DMXL1: variants seen among roughly 807,000 people sequenced by gnomAD.
The protein encoded by DMXL1 is dmX-like protein 1.
In DMXL1, 99 loss-of-function variants were observed where a neutral mutation model predicts 319.2. The ratio of observed to expected loss-of-function variants is 0.31; its 90% CI spans 0.26 to 0.37. DMXL1 has a LOEUF of 0.37. Ranked by LOEUF, DMXL1 falls within the 10% of genes least tolerant of loss-of-function variation. The pLI is 1.00. For missense variants in DMXL1, 3,745 were observed against 3,595.6 expected (o/e 1.04, Z -1.06); for synonymous variants, 1,385 against 1,235.2 (o/e 1.12, Z -2.54).
In DMXL1 at chr5:119,189,772, C is replaced by T; in HGVS notation, c.7200C>T (p.Cys2400=). Residue 2400 remains cysteine (C), a synonymous_variant, in exon 29 of 44, where the codon TGC becomes TGT. Coordinates refer to ENST00000539542, the MANE Select transcript of DMXL1 (RefSeq NM_001290321.3). ...NKRFRPSKMS[C]RESAPLTPSS... is the part of the protein sequence containing the mutation. ...GTTTTAGGCCGTCAAAAATGTCTTG[C>T]AGAGAATCTGCCCCACTGACCCCTT... 1.2e-6 allele frequency: 2 copies of T among 1,614,134 alleles called. No homozygotes were observed. The highest frequency in any genetic ancestry group is 1.7e-6 in the Non-Finnish European group (2 of 1,180,002).
At chr5:119,129,709 G>A (rs1764388197) in intron 10 of DMXL1, among the ~76,000 whole-genome samples, 1 of 152,142 alleles carries the variant, frequency 6.6e-6, no homozygotes, top group Non-Finnish European at 1.5e-5. Flanking sequence ...TGTTACCCAG[G>A]AGCTTGTTAG....
Position 119,189,819 on chromosome 5 carries a change from A to T in DMXL1, c.7247A>T (p.Glu2416Val). ...CCTTCCTCGGCACCAGTAAGCCAGG[A>T]GTCACTGGCGGTTAAAGAAAAGTTC... ...LTPSSAPVSQESLAVKEKFIP... is the reference protein window; with the variant it reads ...LTPSSAPVSQVSLAVKEKFIP... Residue 2416 changes from glutamate (E) to valine (V), a missense_variant, in exon 29 of 44, where the codon GAG becomes GTG. Glu to Val is a moderately radical substitution (Grantham distance 121). Around this residue, in one of 4 missense-constraint regions of DMXL1, gnomAD observed 1,382 missense variants for 1,269.5 expected, o/e 1.09. Transcript: ENST00000539542. 6.2e-7 allele frequency: 1 copy of T among 1,614,102 alleles called. No individual in the cohort carries two copies. Among genetic ancestry groups the T allele is most frequent in the Non-Finnish European group, 8.5e-7 (1 of 1,179,970 alleles).
At chr5:119,117,734 G>A (rs968970581) in intron 7 of DMXL1, among the ~76,000 whole-genome samples, 2 of 152,072 alleles carry the variant, frequency 1.3e-5, no homozygotes, top group African/African-American at 4.8e-5. Context: ...GGCGCCAGAG[G>A]GAGAGAGATG....
At chr5:119,090,518 A>G (rs1754520495) in intron 1 of DMXL1, among the ~76,000 whole-genome samples, 1 of 146,900 alleles carries the variant, frequency 6.8e-6, no homozygotes, top group African/African-American at 2.5e-5. Flanking sequence ...TGTATCTTGT[A>G]GGCAACTTCA....
intron 19 of DMXL1, among the ~76,000 whole-genome samples, chr5:119,153,740 C>T (rs1198202482): frequency 6.6e-6 from 1 of 152,182 alleles, no homozygotes; most frequent in Non-Finnish European, 1.5e-5. Context: ...TTGCAAATGA[C>T]AAGATTTCGT....
At chr5:119,207,036 A>G in intron 34 of DMXL1, 140 bp downstream of exon 34, 1 of 559,480 alleles carries the variant, frequency 1.8e-6, no homozygotes, top group South Asian at 2.5e-5. Flanking sequence ...CTTTTATTTT[A>G]ACAACTTAAA....
At chr5:119,152,739 T>C (rs571464364) in intron 19 of DMXL1, among the ~76,000 whole-genome samples, 2 of 152,320 alleles carry the variant, frequency 1.3e-5, no homozygotes, top group Admixed American at 1.3e-4. Context: ...GTTTTTTGGC[T>C]CATCTCCCGG....
intron 33 of DMXL1, among the ~76,000 whole-genome samples, chr5:119,204,750 G>C (rs1781462100): frequency 6.6e-6 from 1 of 152,130 alleles, no homozygotes; most frequent in African/African-American, 2.4e-5. Flanking sequence ...CTGACATTTG[G>C]TATGTGAACC....
chr5:119,165,040 T>G, intron 20 of DMXL1, 143 bp from the exon 21 acceptor site: 1 of 548,508 alleles, frequency 1.8e-6, no homozygotes, highest in Non-Finnish European at 3.2e-6. Flanking sequence ...TATTATTTTA[T>G]ATATACATGC....
chr5:119,155,166 C>A (rs1030572916), intron 19 of DMXL1, among the ~76,000 whole-genome samples: 1 of 152,216 alleles, frequency 6.6e-6, no homozygotes, highest in South Asian at 2.1e-4. Context: ...TGCCTGCTAA[C>A]ACAACATTCA....
intron 38 of DMXL1, among the ~76,000 whole-genome samples, chr5:119,228,699 TA>T (rs1303087319): frequency 6.6e-6 from 1 of 152,100 alleles, no homozygotes; most frequent in Non-Finnish European, 1.5e-5. Context: ...CTCGCAAAGT[TA>T]GAGTGAGGTC....
intron 2 of DMXL1, among the ~76,000 whole-genome samples, chr5:119,101,726 G>C (rs939017211): frequency 1.3e-5 from 2 of 152,202 alleles, no homozygotes; most frequent in Non-Finnish European, 2.9e-5. Flanking sequence ...CTAACGTTTG[G>C]AGAGATTAAG....
At chr5:119,119,026 C>T in intron 8 of DMXL1, 22 bp downstream of exon 8, 1 of 1,556,220 alleles carries the variant, frequency 6.4e-7, no homozygotes, top group Non-Finnish European at 8.7e-7. Flanking sequence ...TGTTACATTA[C>T]TTACTACAAG....
At chr5:119,156,659 CTT>C (rs199636984) in intron 19 of DMXL1, among the ~76,000 whole-genome samples, 2 of 143,382 alleles carry the variant, frequency 1.4e-5, no homozygotes, top group African/African-American at 2.5e-5. Flanking sequence ...TAAATTTTTT[CTT>C]TTTTTTTTTA....
intron 40 of DMXL1, among the ~76,000 whole-genome samples, chr5:119,238,327 TA>T (rs893061717): frequency 2.0e-5 from 3 of 151,882 alleles, no homozygotes; most frequent in Non-Finnish European, 2.9e-5. Context: ...TTGGGATACT[TA>T]AAAAAAATCA....
intron 38 of DMXL1, among the ~76,000 whole-genome samples, chr5:119,226,100 C>T (rs989219777): frequency 3.3e-5 from 5 of 152,082 alleles, no homozygotes; most frequent in Admixed American, 6.6e-5. Flanking sequence ...AAAGAGGCCA[C>T]GCTCAAAGCT....
Position 119,071,407 on chromosome 5 carries a change from T to A in DMXL1, c.-163T>A. The A allele has an allele frequency of 1.5e-6, 1 of 669,562 alleles. No homozygotes were observed. Among genetic ancestry groups the A allele is most frequent in the South Asian group, 1.8e-5 (1 of 54,932 alleles). 41.5% of individuals were successfully genotyped at this position (669,562 alleles called of 1,614,324 possible). ...CTCGCCCTCCGGGGCTCGGGATGAG[T>A]CGCGGGCCCCAGCTGAGCGGCTCCG... On this transcript the variant is annotated 5_prime_UTR_variant, in exon 1 of 44. Transcript: ENST00000539542.
chr5:119,102,752 ACCACTGCATT>A (rs1757529813), intron 3 of DMXL1, among the ~76,000 whole-genome samples: 1 of 152,192 alleles, frequency 6.6e-6, no homozygotes, highest in Admixed American at 6.5e-5. Flanking sequence ...CAATGATGGC[ACCACTGCATT>A]CCAGCCAGGG....
chr5:119,133,100 T>A (rs1220902271), intron 10 of DMXL1, 32 bp from the exon 11 acceptor site: 1 of 1,608,250 alleles, frequency 6.2e-7, no homozygotes, highest in Admixed American at 1.7e-5. Flanking sequence ...CCTGTTTGTA[T>A]TTACTTGGTT....
Sources: gnomAD v4.1 joint callset for allele counts (sites outside exome capture counted in the v4.1 genomes callset) on GRCh38, gnomAD v4.1.1 for gene constraint, gnomAD v4.1.1 regional missense constraint, MANE v1.5 for transcripts, NCBI Gene and HGNC (gene_info 2026-07-23, HGNC 2026-07-21) for gene names.